CEP162: variants seen among roughly 807,000 people sequenced by gnomAD.
CEP162 encodes centrosomal protein 162, also known as centrosomal protein of 162 kDa.
CEP162 carries 141 observed loss-of-function variants against 169.2 expected under a neutral mutation model. The ratio of observed to expected loss-of-function variants is 0.83; its 90% CI spans 0.73 to 0.96. The LOEUF (loss-of-function observed/expected upper bound fraction) is 0.96, where lower values mean the gene tolerates loss of function less well. Among genes scored for constraint, CEP162 ranks in the 40% least tolerant of loss-of-function variants. CEP162 has a pLI of 0.00. For missense variants in CEP162, 1,600 were observed against 1,587.2 expected, an observed-to-expected ratio of 1.01 and a Z score of -0.14; for synonymous variants, 540 against 526.4, an observed-to-expected ratio of 1.03 and a Z score of -0.35.
chr6:84,222,517 C>G (rs1167855897), intron 2 of CEP162, among the ~76,000 whole-genome samples: 1 of 151,468 alleles, frequency 6.6e-6, no homozygotes, highest in Non-Finnish European at 1.5e-5. Context: ...TGCTCTATGT[C>G]AGGATCTACA....
intron 13 of CEP162, among the ~76,000 whole-genome samples, chr6:84,184,698 T>C (rs1472997490): frequency 6.6e-6 from 1 of 152,038 alleles, no homozygotes; most frequent in Non-Finnish European, 1.5e-5. Context: ...GGCTTGCTCC[T>C]TTCCTTCTAT....
chr6:84,197,177 A>G lies in CEP162; in HGVS notation c.836-2102T>C, dbSNP rs2099542504. ...AGGTATGAGGTGTCAGAAAGAATAG[A>G]TTCTAGGCTTTTAAGCAATAACAGA... On this transcript the variant is annotated intron_variant, in intron 9 of 26. Transcript: ENST00000403245. Among the ~76,000 whole-genome samples the G allele has an allele frequency of 2.6e-5, 4 of 151,984 alleles. No individual in the cohort carries two copies. The South Asian group carries it at 8.3e-4, about 31-fold the overall frequency.
rs192017293 is a variant in CEP162, at chr6:84,149,074, C to T, written c.3771+488G>A. Reference sequence around the variant, plus strand: ...AGACTATGCTCCATCAGAGCAAGAGCTGTGTATCTCTCTTTTCATTATTTT... The same window carrying T: ...AGACTATGCTCCATCAGAGCAAGAGTTGTGTATCTCTCTTTTCATTATTTT... On this transcript the variant is annotated intron_variant, in intron 24 of 26. Coordinates refer to ENST00000403245, the MANE Select transcript of CEP162 (RefSeq NM_014895.4). Among the ~76,000 whole-genome samples, 55 of 152,172 alleles carry T rather than the reference C, an allele frequency of 3.6e-4. No homozygotes were observed. The East Asian group carries it at 4.1e-3, about 11-fold the overall frequency.
At chr6:84,211,225 A>T (rs1443063492) in intron 6 of CEP162, among the ~76,000 whole-genome samples, 1 of 146,002 alleles carries the variant, frequency 6.8e-6, no homozygotes, top group Non-Finnish European at 1.5e-5. Flanking sequence ...AGAGTGAAAG[A>T]AAAAAAAAAA....
intron 9 of CEP162, among the ~76,000 whole-genome samples, chr6:84,199,751 A>C (rs1471146179): frequency 6.6e-6 from 1 of 152,178 alleles, no homozygotes; most frequent in Admixed American, 6.5e-5. Context: ...GAATATTTTT[A>C]TACTATTCAA....
chr6:84,194,212 G>A (rs2127724250), intron 10 of CEP162, among the ~76,000 whole-genome samples: 2 of 152,032 alleles, frequency 1.3e-5, no homozygotes, highest in South Asian at 4.1e-4. Flanking sequence ...AAAATTAGCT[G>A]GGCATGGCAG....
chr6:84,163,116 G>A (rs2099526429), intron 19 of CEP162, 28 bp downstream of exon 19: 2 of 1,605,684 alleles, frequency 1.2e-6, no homozygotes, highest in South Asian at 2.2e-5. Flanking sequence ...TGATTATAAA[G>A]GTACACTGTT....
chr6:84,226,438 C>T lies in CEP162; in HGVS notation c.-45G>A. 7.4e-7 allele frequency: 1 copy of T among 1,344,062 alleles called. No homozygotes were observed. 83.3% of individuals were successfully genotyped at this position (1,344,062 alleles called of 1,614,324 possible). ...CCAAAGTAAACATTCTAAAGTACCTCAAACATTGGAAACACTAAATGACAA... is the reference window on the plus strand; with the variant it reads ...CCAAAGTAAACATTCTAAAGTACCTTAAACATTGGAAACACTAAATGACAA... On this transcript the variant is annotated 5_prime_UTR_variant, in exon 2 of 27. Transcript: ENST00000403245.
At chr6:84,185,594 T>A in intron 12 of CEP162, 146 bp from the exon 13 acceptor site, 2 of 655,966 alleles carry the variant, frequency 3.0e-6, no homozygotes. Context: ...GTTCTTGAAG[T>A]CTAATGCATC....
In CEP162 at chr6:84,134,047, T is replaced by A. The variant is rs1350613001; in HGVS notation, c.3871-7535A>T. Among the ~76,000 whole-genome samples, 3 of 152,210 alleles carry A rather than the reference T, an allele frequency of 2.0e-5. No homozygotes were observed. In the East Asian group the frequency reaches 5.8e-4, roughly 29 times the overall value. On this transcript the variant is annotated intron_variant, in intron 25 of 26. Coordinates refer to ENST00000403245, the MANE Select transcript of CEP162 (RefSeq NM_014895.4). ...GACTGGGGCTGCTGCCTTTAAGAGA[T>A]GCCCTGCCCAGAGAGGAGGAATCTA...
At chr6:84,138,698 C>G (rs1199657600) in intron 25 of CEP162, among the ~76,000 whole-genome samples, 1 of 152,086 alleles carries the variant, frequency 6.6e-6, no homozygotes, top group Non-Finnish European at 1.5e-5. Context: ...ACTGTCTTAC[C>G]ATTGTATTGC....
At chr6:84,204,825 C>T (rs2099546085) in intron 6 of CEP162, among the ~76,000 whole-genome samples, 1 of 152,102 alleles carries the variant, frequency 6.6e-6, no homozygotes, top group African/African-American at 2.4e-5. Context: ...AATTGATAGA[C>T]TGCTAGCAAG....
chr6:84,144,261 T>C (rs968722113), intron 25 of CEP162, among the ~76,000 whole-genome samples: 8 of 152,054 alleles, frequency 5.3e-5, no homozygotes, highest in Non-Finnish European at 5.9e-5. Context: ...ATGTTTAATC[T>C]TCTTTGAGTT....
chr6:84,181,715 A>C (rs1298094148), intron 13 of CEP162, among the ~76,000 whole-genome samples: 2 of 152,202 alleles, frequency 1.3e-5, no homozygotes, highest in East Asian at 3.8e-4. Flanking sequence ...AGTGAAGAGC[A>C]TTCAGTCTCT....
chr6:84,133,295 C>T (rs1232240503), intron 25 of CEP162, among the ~76,000 whole-genome samples: 2 of 152,190 alleles, frequency 1.3e-5, no homozygotes, highest in Non-Finnish European at 2.9e-5. Context: ...CCCAGTTAGG[C>T]TACTCAAGTG....
rs1042771201 is a variant in CEP162 at position 84,224,562 on chromosome 6, A to G, written c.57+1775T>C. 1.5e-4 allele frequency among the ~76,000 whole-genome samples: 23 copies of G among 152,362 alleles called. No individual in the cohort carries two copies. In the South Asian group the frequency reaches 4.3e-3, roughly 29 times the overall value. On this transcript the variant is annotated intron_variant, in intron 2 of 26. Coordinates refer to ENST00000403245, the MANE Select transcript of CEP162 (RefSeq NM_014895.4). ...TATGTCTCAATAAAGCTATTTTTAA[A>G]AAGCTGGTTACCACTACTGTCCTAA...
intron 11 of CEP162, among the ~76,000 whole-genome samples, chr6:84,188,269 T>G (rs971221478): frequency 2.6e-5 from 4 of 152,144 alleles, no homozygotes; most frequent in Admixed American, 2.6e-4. Context: ...TTTTTAAACT[T>G]TTATTCCAGG....
intron 25 of CEP162, among the ~76,000 whole-genome samples, 160 bp from the exon 26 acceptor site, chr6:84,126,672 A>G (rs1432425375): frequency 2.6e-5 from 4 of 152,198 alleles, no homozygotes; most frequent in Non-Finnish European, 4.4e-5. Flanking sequence ...TCCAGAAAGT[A>G]AAGGTTCCTC....
intron 9 of CEP162, among the ~76,000 whole-genome samples, chr6:84,197,775 C>T (rs1184366076): frequency 6.6e-6 from 1 of 150,974 alleles, no homozygotes. Context: ...GGAGATCATG[C>T]CACTGCATTC....
Sources: gnomAD v4.1 joint callset for allele counts (sites outside exome capture counted in the v4.1 genomes callset) on GRCh38, gnomAD v4.1.1 for gene constraint, MANE v1.5 for transcripts, NCBI Gene and HGNC (gene_info 2026-07-23, HGNC 2026-07-21) for gene names.